Variants in AKAP13 observed in about 807,000 individuals in gnomAD.
AKAP13 encodes A-kinase anchor protein 13.
In AKAP13, 80 loss-of-function variants were observed where a neutral mutation model predicts 264.5. The observed-to-expected ratio is 0.30, with a 90% CI of 0.25 to 0.36. The LOEUF (loss-of-function observed/expected upper bound fraction) is 0.36, where lower values mean the gene tolerates loss of function less well. Ranked by LOEUF, AKAP13 falls within the 10% of genes least tolerant of loss-of-function variation. AKAP13 has a pLI of 1.00. For missense variants in AKAP13, 3,712 were observed against 3,435.2 expected, an observed-to-expected ratio of 1.08 and a Z score of -2.01; for synonymous variants, 1,380 against 1,250.2, an observed-to-expected ratio of 1.10 and a Z score of -2.19.
intron 4 of AKAP13, chr15:85,536,146 G>C (rs973597584): frequency 6.6e-5 from 10 of 152,126 alleles, no homozygotes; most frequent in African/African-American, 2.4e-4. Flanking sequence ...TAATAGGAGG[G>C]AATTGGCCAG....
chr15:85,616,708 T>C (rs1315641369), intron 8 of AKAP13, among the ~76,000 whole-genome samples: 1 of 152,246 alleles, frequency 6.6e-6, no homozygotes, highest in African/African-American at 2.4e-5. Flanking sequence ...TTGGTTGCTG[T>C]ATTTCAAAAT....
intron 8 of AKAP13, among the ~76,000 whole-genome samples, chr15:85,608,780 A>G (rs939679328): frequency 2.6e-5 from 4 of 152,234 alleles, no homozygotes; most frequent in South Asian, 2.1e-4. Flanking sequence ...ATCTTGAAGA[A>G]CAATAGAAAA....
In AKAP13 at chr15:85,558,400, A is replaced by G. The variant is rs1313028031; in HGVS notation, c.662+14445A>G. Among the ~76,000 whole-genome samples the G allele has an allele frequency of 2.6e-5, 4 of 152,246 alleles. No homozygotes were observed. In the East Asian group the frequency reaches 5.8e-4, roughly 22 times the overall value. Reference sequence around the variant, plus strand: ...AAGTGCCGAATCAGGTCAGTGGGCTATATAAAAATACGCAAGGTCATTAGA... The same window carrying G: ...AAGTGCCGAATCAGGTCAGTGGGCTGTATAAAAATACGCAAGGTCATTAGA... On this transcript the variant is annotated intron_variant, in intron 5 of 36. Transcript: ENST00000394518.
At chr15:85,396,667 A>G (rs1219633455) in intron 1 of AKAP13, among the ~76,000 whole-genome samples, 2 of 152,226 alleles carry the variant, frequency 1.3e-5, no homozygotes, top group African/African-American at 2.4e-5. Context: ...ATGCCTCTGT[A>G]AAACAAGGCA....
intron 2 of AKAP13, among the ~76,000 whole-genome samples, chr15:85,496,108 T>C (rs1040018625): frequency 2.0e-5 from 3 of 152,162 alleles, no homozygotes; most frequent in Non-Finnish European, 2.9e-5. Context: ...AATAGACATA[T>C]AGGGTTTGGT....
intron 8 of AKAP13, among the ~76,000 whole-genome samples, chr15:85,633,485 TG>T (rs2081939789): frequency 6.6e-6 from 1 of 151,328 alleles, no homozygotes; most frequent in Non-Finnish European, 1.5e-5. Context: ...TCATTGCAAA[TG>T]AAATGCCATT....
chr15:85,705,090 T>G (rs1270075009), intron 17 of AKAP13, among the ~76,000 whole-genome samples: 1 of 152,226 alleles, frequency 6.6e-6, no homozygotes, highest in Non-Finnish European at 1.5e-5. Flanking sequence ...GGGACATGTT[T>G]CAATTAATTA....
intron 5 of AKAP13, among the ~76,000 whole-genome samples, chr15:85,555,211 G>C (rs1245036063): frequency 6.6e-6 from 1 of 151,946 alleles, no homozygotes; most frequent in Non-Finnish European, 1.5e-5. Flanking sequence ...CCCCTTTCTG[G>C]CATTTAGCTT....
chr15:85,449,119 C>T (rs1166315826), intron 1 of AKAP13, among the ~76,000 whole-genome samples: 1 of 151,988 alleles, frequency 6.6e-6, no homozygotes. Context: ...TCTTTCACCT[C>T]CCTGGTTAGC....
At chr15:85,516,643 A>C (rs1273703410) in intron 2 of AKAP13, among the ~76,000 whole-genome samples, 1 of 151,860 alleles carries the variant, frequency 6.6e-6, no homozygotes, top group Non-Finnish European at 1.5e-5. Context: ...CCCTGTGGAA[A>C]TTCTCCCCTT....
At chr15:85,622,799 G>A (rs2081253085) in intron 8 of AKAP13, among the ~76,000 whole-genome samples, 1 of 152,172 alleles carries the variant, frequency 6.6e-6, no homozygotes, top group African/African-American at 2.4e-5. Context: ...TGTTTTCAAA[G>A]TCCATGTTTT....
At chr15:85,700,440 T>C (rs377703041) in intron 17 of AKAP13, among the ~76,000 whole-genome samples, 2 of 152,328 alleles carry the variant, frequency 1.3e-5, no homozygotes, top group South Asian at 4.1e-4. Context: ...GAGAGCAAGA[T>C]CTGGGTTACC....
In AKAP13 at chr15:85,718,686, G is replaced by C. The variant is rs1339052367; in HGVS notation, c.6002-390G>C. The C allele has an allele frequency of 5.5e-5, 12 of 216,388 alleles. No individual in the cohort carries two copies. The highest frequency in any genetic ancestry group is 1.2e-4 in the East Asian group (1 of 8,028). 13.4% of individuals were successfully genotyped at this position (216,388 alleles called of 1,614,324 possible). On this transcript the variant is annotated intron_variant, in intron 22 of 36. Transcript: ENST00000394518. The surrounding 1 kb of genome is among the most constrained non-coding windows in gnomAD (Gnocchi z 4.9). ...GGAGGCTGAGGCGGGTGGATCACTC[G>C]AGCCCAGAGTTCAAGACTAGCCTGG...
intron 11 of AKAP13, among the ~76,000 whole-genome samples, chr15:85,657,296 C>T (rs954096044): frequency 6.6e-6 from 1 of 152,206 alleles, no homozygotes; most frequent in Non-Finnish European, 1.5e-5. Flanking sequence ...ATATTGAACA[C>T]TCACTATGTG....
At chr15:85,424,738 C>A (rs1181803689) in intron 1 of AKAP13, among the ~76,000 whole-genome samples, 1 of 152,184 alleles carries the variant, frequency 6.6e-6, no homozygotes, top group Non-Finnish European at 1.5e-5. Flanking sequence ...GACATGCCTT[C>A]CTTGCTAACC....
At chr15:85,723,774 C>T (rs1216553627) in intron 26 of AKAP13, among the ~76,000 whole-genome samples, 1 of 152,170 alleles carries the variant, frequency 6.6e-6, no homozygotes, top group African/African-American at 2.4e-5. Flanking sequence ...GAGGAGTTTG[C>T]AGCTCCAGAC....
chr15:85,662,716 T>C (rs1420347232), intron 12 of AKAP13, among the ~76,000 whole-genome samples: 2 of 152,208 alleles, frequency 1.3e-5, no homozygotes, highest in Admixed American at 1.3e-4. Flanking sequence ...TCTCTCTGTT[T>C]TGGTTTGTCT....
intron 1 of AKAP13, among the ~76,000 whole-genome samples, chr15:85,462,707 G>C (rs1180735782): frequency 6.6e-6 from 1 of 152,148 alleles, no homozygotes; most frequent in Non-Finnish European, 1.5e-5. Flanking sequence ...CAGAGAAATA[G>C]AAACTGTAAA....
intron 8 of AKAP13, among the ~76,000 whole-genome samples, chr15:85,626,323 A>C (rs541786295): frequency 1.3e-5 from 2 of 152,356 alleles, no homozygotes; most frequent in South Asian, 2.1e-4. Context: ...TCACATTGTT[A>C]TATAACCATC....
Sources: gnomAD v4.1 joint callset for allele counts (sites outside exome capture counted in the v4.1 genomes callset) on GRCh38, gnomAD v4.1.1 for gene constraint, Gnocchi (gnomAD v3.1) non-coding constraint, MANE v1.5 for transcripts, NCBI Gene and HGNC (gene_info 2026-07-23, HGNC 2026-07-21) for gene names.